L3MBTL4: variants seen among roughly 807,000 people sequenced by gnomAD.
L3MBTL4 encodes L3MBTL histone methyl-lysine binding protein 4, also known as lethal(3)malignant brain tumor-like protein 4.
A neutral mutation model predicts 84.5 loss-of-function variants in L3MBTL4; 70 were observed. That is an observed-to-expected ratio of 0.83 (90% CI 0.68 to 1.01). The LOEUF (loss-of-function observed/expected upper bound fraction) is 1.01. Ranked by LOEUF, L3MBTL4 falls within the 50% of genes least tolerant of loss-of-function variation. The pLI is 0.00. For missense variants in L3MBTL4, 715 were observed against 754.8 expected (o/e 0.95, Z 0.62); for synonymous variants, 274 against 259.8 (o/e 1.05, Z -0.52).
intron 16 of L3MBTL4, among the ~76,000 whole-genome samples, chr18:5,980,535 G>T (rs992106280): frequency 2.0e-5 from 3 of 147,104 alleles, no homozygotes; most frequent in Non-Finnish European, 3.0e-5. Flanking sequence ...GGGTTCAAGC[G>T]ATTCTCCTGC....
intron 16 of L3MBTL4, among the ~76,000 whole-genome samples, chr18:5,983,962 A>T (rs890384471): frequency 6.6e-6 from 1 of 152,122 alleles, no homozygotes; most frequent in Non-Finnish European, 1.5e-5. Context: ...CCCAGGCTGG[A>T]GTGCAATTAT....
chr18:6,174,663 G>A (rs2044140854), intron 12 of L3MBTL4, among the ~76,000 whole-genome samples: 1 of 151,956 alleles, frequency 6.6e-6, no homozygotes, highest in Non-Finnish European at 1.5e-5. Flanking sequence ...TAGAGCCAGG[G>A]GGTTAAGACT....
chr18:6,091,926 A>C (rs1219905617), intron 15 of L3MBTL4, among the ~76,000 whole-genome samples: 1 of 152,202 alleles, frequency 6.6e-6, no homozygotes, highest in African/African-American at 2.4e-5. Context: ...GGAAATAGTT[A>C]AAAAAGAAAA....
At chr18:5,995,699 C>T (rs903848020) in intron 16 of L3MBTL4, among the ~76,000 whole-genome samples, 45 of 152,136 alleles carry the variant, frequency 3.0e-4, no homozygotes, top group African/African-American at 1.1e-3. Context: ...GTTCTAAGAA[C>T]TCGTGCAGTA....
At chr18:6,333,573 C>CA (rs34185426) in intron 1 of L3MBTL4, among the ~76,000 whole-genome samples, 4,716 of 65,292 alleles carry the variant, frequency 0.072, 102 homozygotes, top group East Asian at 0.19. Flanking sequence ...GACTCCATCT[C>CA]AAAAAAAAAA....
At chr18:6,400,900 C>T (rs1224332321) in intron 1 of L3MBTL4, among the ~76,000 whole-genome samples, 5 of 152,168 alleles carry the variant, frequency 3.3e-5, no homozygotes, top group Non-Finnish European at 7.3e-5. Flanking sequence ...CAGACAGCAA[C>T]TGACGCAAAA....
At chr18:6,272,673 T>C (rs7228630) in intron 4 of L3MBTL4, among the ~76,000 whole-genome samples, 5,452 of 22,232 alleles carry the variant, frequency 0.25, 358 homozygotes, top group Middle Eastern at 0.34. Flanking sequence ...ATATAAGGAA[T>C]ACAGAACAGT....
intron 10 of L3MBTL4, among the ~76,000 whole-genome samples, chr18:6,233,698 T>C (rs1050702701): frequency 5.3e-5 from 8 of 152,128 alleles, no homozygotes; most frequent in African/African-American, 1.9e-4. Context: ...CATTCCATGC[T>C]CATGGGTAGG....
At chr18:6,079,468 A>T (rs1198823093) in intron 16 of L3MBTL4, among the ~76,000 whole-genome samples, 1 of 152,242 alleles carries the variant, frequency 6.6e-6, no homozygotes, top group African/African-American at 2.4e-5. Context: ...ATGGGTGTAA[A>T]CTCCTTATAC....
At chr18:6,042,468 C>T (rs765764421) in intron 16 of L3MBTL4, among the ~76,000 whole-genome samples, 13 of 152,160 alleles carry the variant, frequency 8.5e-5, no homozygotes, top group Non-Finnish European at 1.6e-4. Context: ...ATACCTCCCA[C>T]CTACCCCACC....
At chr18:5,985,775 G>T (rs2145073402) in intron 16 of L3MBTL4, among the ~76,000 whole-genome samples, 1 of 152,280 alleles carries the variant, frequency 6.6e-6, no homozygotes, top group South Asian at 2.1e-4. Flanking sequence ...TGGTTTTAGA[G>T]CACGAGACTA....
At chr18:6,413,181 C>G (rs918601790) in intron 1 of L3MBTL4, among the ~76,000 whole-genome samples, 1 of 152,184 alleles carries the variant, frequency 6.6e-6, no homozygotes, top group Non-Finnish European at 1.5e-5. Context: ...CCACCAATAC[C>G]CTTTCTTTGG....
chr18:6,099,585 A>ATATATATATATATATATATAT (rs2058743796), intron 14 of L3MBTL4, among the ~76,000 whole-genome samples: 1 of 64,700 alleles, frequency 1.5e-5, no homozygotes, highest in African/African-American at 3.5e-5. Flanking sequence ...AGATAATGTA[A>ATATATATATATATATATATAT]ATATATATAT....
intron 16 of L3MBTL4, among the ~76,000 whole-genome samples, chr18:6,005,811 ATCTTGATGGTAGAAAAATT>A (rs1382061658): frequency 6.6e-6 from 1 of 152,158 alleles, no homozygotes; most frequent in African/African-American, 2.4e-5. Flanking sequence ...GCATGCATGT[ATCTTGATGGTAGAAAAATT>A]TATGTTCCTT....
intron 12 of L3MBTL4, among the ~76,000 whole-genome samples, chr18:6,192,273 CAT>C (rs938561853): frequency 1.3e-5 from 2 of 152,030 alleles, no homozygotes; most frequent in Non-Finnish European, 2.9e-5. Flanking sequence ...GACATAATAC[CAT>C]ATTTGTTGAT....
chr18:5,959,062 C>T (rs1391638494), intron 18 of L3MBTL4, among the ~76,000 whole-genome samples: 2 of 152,190 alleles, frequency 1.3e-5, no homozygotes, highest in Admixed American at 6.5e-5. Flanking sequence ...GGCTATCTGA[C>T]CTTGATGCTG....
chr18:6,081,888 C>G (rs140887694), intron 15 of L3MBTL4, among the ~76,000 whole-genome samples: 1 of 152,158 alleles, frequency 6.6e-6, no homozygotes, highest in Non-Finnish European at 1.5e-5. Context: ...ATCATCAAGA[C>G]TTTTTATCAA....
intron 1 of L3MBTL4, among the ~76,000 whole-genome samples, chr18:6,342,655 A>T (rs1007484376): frequency 4.6e-5 from 7 of 152,176 alleles, no homozygotes; most frequent in African/African-American, 1.7e-4. Context: ...ATGGCAACAG[A>T]GGAAGAAAGG....
At chr18:6,070,544 G>T (rs186135927) in intron 16 of L3MBTL4, among the ~76,000 whole-genome samples, 1 of 144,018 alleles carries the variant, frequency 6.9e-6, no homozygotes, top group African/African-American at 2.6e-5. Context: ...TAGGCCAAGC[G>T]CAGTGGCTCA....
Sources: gnomAD v4.1 joint callset for allele counts (sites outside exome capture counted in the v4.1 genomes callset) on GRCh38, gnomAD v4.1.1 for gene constraint, MANE v1.5 for transcripts, NCBI Gene and HGNC (gene_info 2026-07-23, HGNC 2026-07-21) for gene names.